The following OXR1 variants were observed in gnomAD, a reference collection of about 807,000 sequenced individuals.
OXR1 encodes the protein oxidation resistance protein 1.
Under a neutral mutation model 104.6 loss-of-function variants are expected in OXR1, and 41 were observed. That is an observed-to-expected ratio of 0.39 (90% confidence interval 0.31 to 0.51). The LOEUF (loss-of-function observed/expected upper bound fraction) is 0.51. OXR1 is among the 20% of genes least tolerant of loss of function. The probability of loss-of-function intolerance (pLI) is 0.77; values close to 1 mark genes in which losing one functional copy is unlikely to be tolerated. For missense variants in OXR1, 955 were observed against 1,031.9 expected (o/e 0.93, Z 1.02); for synonymous variants, 348 against 348.4 (o/e 1.00, Z 0.01).
intron 3 of OXR1, among the ~76,000 whole-genome samples, chr8:106,620,434 C>G (rs1161192172): frequency 6.6e-6 from 1 of 151,888 alleles, no homozygotes; most frequent in Non-Finnish European, 1.5e-5. Flanking sequence ...ATGTTAAAGG[C>G]CATATATTTG....
At chr8:106,314,054 A>G (rs536925611) in intron 1 of OXR1, among the ~76,000 whole-genome samples, 1 of 152,334 alleles carries the variant, frequency 6.6e-6, no homozygotes, top group Non-Finnish European at 1.5e-5. Flanking sequence ...ATACACATTC[A>G]GAGAATTGTG....
intron 1 of OXR1, 68 bp from the exon 2 acceptor site, chr8:106,359,408 G>T: frequency 3.8e-6 from 2 of 525,200 alleles, no homozygotes; most frequent in Non-Finnish European, 6.9e-6. Flanking sequence ...TGATTTGGAT[G>T]AAATAAATCT....
At chr8:106,406,684 G>A (rs907135792) in intron 2 of OXR1, among the ~76,000 whole-genome samples, 1 of 152,092 alleles carries the variant, frequency 6.6e-6, no homozygotes. Context: ...CAGTTGCCAG[G>A]GATTACTCAG....
At chr8:106,374,691 G>C (rs965849361) in intron 2 of OXR1, among the ~76,000 whole-genome samples, 1 of 152,160 alleles carries the variant, frequency 6.6e-6, no homozygotes, top group Non-Finnish European at 1.5e-5. Flanking sequence ...AGCAACTTCA[G>C]TGCTAAGTAA....
chr8:106,708,639 C>T (rs1831387420), intron 9 of OXR1, among the ~76,000 whole-genome samples: 1 of 152,060 alleles, frequency 6.6e-6, no homozygotes, highest in Admixed American at 6.6e-5. Context: ...AATAATATTC[C>T]ATTGTATGTG....
At chr8:106,629,243 T>C (rs999546175) in intron 3 of OXR1, among the ~76,000 whole-genome samples, 1 of 152,160 alleles carries the variant, frequency 6.6e-6, no homozygotes, top group African/African-American at 2.4e-5. Context: ...AAGTCTGTTT[T>C]TTTTTTTCCT....
chr8:106,482,132 G>T (rs1017487915), intron 2 of OXR1, among the ~76,000 whole-genome samples: 2 of 151,928 alleles, frequency 1.3e-5, no homozygotes, highest in African/African-American at 2.4e-5. Flanking sequence ...GAGGAAAAAG[G>T]TATGAAATTG....
chr8:106,699,270 G>A (rs935498522), intron 7 of OXR1, among the ~76,000 whole-genome samples: 3 of 152,064 alleles, frequency 2.0e-5, no homozygotes, highest in South Asian at 2.1e-4. Context: ...TCTTCTTATC[G>A]TTGGATAGCT....
intron 1 of OXR1, among the ~76,000 whole-genome samples, chr8:106,298,789 C>A (rs1005204618): frequency 1.3e-4 from 19 of 151,806 alleles, no homozygotes; most frequent in African/African-American, 4.1e-4. Context: ...AAAACCACCC[C>A]AGAACAAAAG....
At chr8:106,491,680 A>T (rs531569434) in intron 2 of OXR1, among the ~76,000 whole-genome samples, 8 of 152,160 alleles carry the variant, frequency 5.3e-5, no homozygotes, top group African/African-American at 9.7e-5. Flanking sequence ...GACCAGCAAT[A>T]TGGTGGTTAG....
intron 2 of OXR1, among the ~76,000 whole-genome samples, chr8:106,434,608 A>C (rs1819498962): frequency 6.6e-6 from 1 of 152,336 alleles, no homozygotes; most frequent in East Asian, 1.9e-4. Context: ...CCTTGCTCAT[A>C]GTCAAATTAT....
At chr8:106,380,703 C>G (rs577547147) in intron 2 of OXR1, among the ~76,000 whole-genome samples, 1 of 152,278 alleles carries the variant, frequency 6.6e-6, no homozygotes, top group Admixed American at 6.5e-5. Context: ...TTGATATTTA[C>G]TTCCCTGGTG....
At chr8:106,707,582 G>A (rs1831268027) in intron 9 of OXR1, 1 of 214,626 alleles carries the variant, frequency 4.7e-6, no homozygotes, top group African/African-American at 2.3e-5. Flanking sequence ...AAACCTAAAA[G>A]TGTACTTACA....
chr8:106,342,584 GC>G (rs1586546603), intron 1 of OXR1, among the ~76,000 whole-genome samples: 1 of 151,696 alleles, frequency 6.6e-6, no homozygotes, highest in African/African-American at 2.4e-5. Flanking sequence ...TATTTTTTTA[GC>G]TTTTCTCTCT....
intron 2 of OXR1, among the ~76,000 whole-genome samples, chr8:106,469,771 C>G (rs79943580): frequency 2.0e-5 from 3 of 151,692 alleles, no homozygotes; most frequent in Non-Finnish European, 4.4e-5. Context: ...ATATATCTTA[C>G]GATATGTTGG....
chr8:106,291,291 G>A (rs1812740664), intron 1 of OXR1, among the ~76,000 whole-genome samples: 1 of 152,098 alleles, frequency 6.6e-6, no homozygotes, highest in Admixed American at 6.5e-5. Flanking sequence ...ACTAGAGGGG[G>A]AAAGAGAAAG....
intron 1 of OXR1, among the ~76,000 whole-genome samples, chr8:106,296,264 T>G (rs1290372747): frequency 6.6e-6 from 1 of 152,126 alleles, no homozygotes; most frequent in Non-Finnish European, 1.5e-5. Flanking sequence ...TACAGGTGAG[T>G]TCTCCAAAGA....
At chr8:106,387,993 C>T (rs1160233936) in intron 2 of OXR1, among the ~76,000 whole-genome samples, 1 of 152,190 alleles carries the variant, frequency 6.6e-6, no homozygotes, top group East Asian at 1.9e-4. Flanking sequence ...ATAGCAATGT[C>T]TACTGTATAA....
chr8:106,750,309 CT>C (rs1473588466), intron 16 of OXR1, among the ~76,000 whole-genome samples: 2 of 141,026 alleles, frequency 1.4e-5, no homozygotes, highest in African/African-American at 5.3e-5. Context: ...TAATTTTTTT[CT>C]TTTCTTTTCT....
Sources: gnomAD v4.1 joint callset for allele counts (sites outside exome capture counted in the v4.1 genomes callset) on GRCh38, gnomAD v4.1.1 for gene constraint, MANE v1.5 for transcripts, NCBI Gene and HGNC (gene_info 2026-07-23, HGNC 2026-07-21) for gene names.